Variants in KCP observed in about 807,000 individuals in gnomAD.
The protein encoded by KCP is kielin/chordin-like protein.
KCP carries 194 observed loss-of-function variants against 212.7 expected under a neutral mutation model. The ratio of observed to expected loss-of-function variants is 0.91; its 90% CI spans 0.81 to 1.03. The LOEUF (loss-of-function observed/expected upper bound fraction) is 1.03. Among genes scored for constraint, KCP ranks in the 50% least tolerant of loss-of-function variants. The pLI, the probability that KCP is intolerant of heterozygous loss-of-function variation, is 0.00. For synonymous variants in KCP, 833 were observed against 865.3 expected (o/e 0.96, Z 0.65); for missense variants, 2,080 against 2,162.5 (o/e 0.96, Z 0.76).
chr7:128,877,332 G>A (rs117405945), intron 39 of KCP, 21 bp from the exon 40 acceptor site: 28,665 of 1,526,024 alleles, frequency 0.019, 337 homozygotes, highest in Non-Finnish European at 0.023. Context: ...AGTGGGAGGC[G>A]GGGTTACCAA....
At chr7:128,905,660 C>T (rs1976296) in intron 5 of KCP, among the ~76,000 whole-genome samples, 15 of 152,246 alleles carry the variant, frequency 9.9e-5, no homozygotes, top group South Asian at 4.1e-4. Flanking sequence ...CCATGCCACA[C>T]GCTGCTTCAG....
chr7:128,881,470 C>T (rs1458714671), intron 31 of KCP, among the ~76,000 whole-genome samples, 156 bp downstream of exon 31: 3 of 151,950 alleles, frequency 2.0e-5, no homozygotes, highest in East Asian at 1.9e-4. Flanking sequence ...ACCTCAAGAA[C>T]AGCCCCCCTC....
intron 21 of KCP, 116 bp from the exon 22 acceptor site, chr7:128,889,155 G>A (rs1217630603): frequency 7.9e-6 from 6 of 754,924 alleles, no homozygotes; most frequent in Non-Finnish European, 9.6e-6. Context: ...GATCTAGCGT[G>A]GGGGCTGGGG....
rs535033846 is a variant in KCP, at chr7:128,897,375, C to T, written c.832-3082G>A. 5.9e-5 allele frequency among the ~76,000 whole-genome samples: 9 copies of T among 152,326 alleles called. No homozygotes were observed. The East Asian group carries it at 1.7e-3, about 29-fold the overall frequency. ...CCACATGGCAGTACTTTCTCTTGGT[C>T]TCTGCCATCACAATGGTGACTTGGG... On this transcript the variant is annotated intron_variant, in intron 8 of 39. Coordinates refer to ENST00000610776, the MANE Select transcript of KCP (RefSeq NM_001366122.1).
rs1431632968 is a variant in KCP, at chr7:128,888,822, G to C, written c.2512+41C>G. ...GGAATCGGTGAGAAAGGCACCCCGG[G>C]AGCCCCAGCAGGGGGAATGGAAGGG... On this transcript the variant is annotated intron_variant, in intron 22 of 39. Coordinates refer to ENST00000610776, the MANE Select transcript of KCP (RefSeq NM_001366122.1). 3.3e-6 allele frequency: 5 copies of C among 1,530,160 alleles called. No individual in the cohort carries two copies. The South Asian group carries it at 6.0e-5, about 18-fold the overall frequency. 94.8% of individuals were successfully genotyped at this position (1,530,160 alleles called of 1,614,324 possible).
rs73238179 is a variant in KCP, at chr7:128,889,052, A to G, written c.2336-13T>C. The stretch of plus-strand genomic sequence containing the variant: ...AGGTACTCACAGCCTTTCAGAGAAG[A>G]GACAGAGAGGCCGAGGGGAGGGACA... On this transcript the variant is annotated splice_polypyrimidine_tract_variant and intron_variant, in intron 21 of 39. Transcript: ENST00000610776. The G allele has an allele frequency of 5.7e-3, 8,420 of 1,483,108 alleles. 23 individuals carry two copies. Among genetic ancestry groups the G allele is most frequent in the Middle Eastern group, 0.013 (71 of 5,618 alleles). 91.9% of individuals were successfully genotyped at this position (1,483,108 alleles called of 1,614,324 possible).
At position 128,908,474 on chromosome 7, in the gene KCP, T is replaced by C. The variant is rs992512037; in HGVS notation, c.171A>G (p.Arg57=). The C allele has an allele frequency of 6.4e-7, 1 of 1,551,836 alleles. No individual in the cohort carries two copies. Among genetic ancestry groups the C allele is most frequent in the African/African-American group, 1.4e-5 (1 of 73,006 alleles). ...GNSQEQWHPL[R]EWLGRLEAAV... is the part of the protein sequence containing the mutation. Reference sequence around the variant, plus strand: ...CAGCCTCCAGTCGCCCCAGCCACTCTCGCAGGGGGTGCCACTGCTCCTGGG... The same window carrying C: ...CAGCCTCCAGTCGCCCCAGCCACTCCCGCAGGGGGTGCCACTGCTCCTGGG... The change falls in exon 2 of 40, where the codon CGA becomes CGG. Residue 57 remains arginine, a synonymous_variant. Coordinates refer to ENST00000610776, the MANE Select transcript of KCP (RefSeq NM_001366122.1).
intron 2 of KCP, 81 bp from the exon 3 acceptor site, chr7:128,907,534 G>A (rs1795188709): frequency 1.7e-5 from 17 of 1,019,248 alleles, no homozygotes; most frequent in Non-Finnish European, 2.1e-5. Flanking sequence ...GTGAAAATGA[G>A]GCAGGATGAG....
At position 128,893,795 on chromosome 7, in the gene KCP, C is replaced by T. The variant is rs1363889997; in HGVS notation, c.1099+11G>A. 3.9e-6 allele frequency: 6 copies of T among 1,549,074 alleles called. No individual in the cohort carries two copies. The highest frequency in any genetic ancestry group is 1.7e-4 in the Middle Eastern group (1 of 5,940). On this transcript the variant is annotated intron_variant, in intron 11 of 39. Transcript: ENST00000610776. ...CCTGCCCCTCCCGCAGAGACCCCGG[C>T]CCCCACTCACCATCGCAGACAGGGC...
chr7:128,880,732 A>ACAT lies in KCP; in HGVS notation c.3514-14_3514-12dup. On this transcript the variant is annotated splice_polypyrimidine_tract_variant and intron_variant, in intron 32 of 39. Coordinates refer to ENST00000610776, the MANE Select transcript of KCP (RefSeq NM_001366122.1). ...CTCCACATGGCCCCGCTGAGGACAG[A>ACAT]CATCATTGTTCTGGGGTTTTCTGCA... The ACAT allele has an allele frequency of 2.4e-6, 1 of 420,126 alleles. No individual in the cohort carries two copies. The allele number at this position is 420,126 out of a possible 1,614,324, so 26.0% of individuals were successfully genotyped here.
chr7:128,906,169 G>A, intron 5 of KCP, 110 bp downstream of exon 5: 1 of 876,898 alleles, frequency 1.1e-6, no homozygotes, highest in East Asian at 2.6e-5. Context: ...CTGTCAGAGT[G>A]AGTGGGTAGG....
chr7:128,886,565 A>G lies in KCP; in HGVS notation c.2773-8T>C, dbSNP rs920864874. 2 of 1,550,974 alleles carry G rather than the reference A, an allele frequency of 1.3e-6. No homozygotes were observed. Among genetic ancestry groups the G allele is most frequent in the African/African-American group, 2.7e-5 (2 of 72,986 alleles). ...ACAGCTGACCTGGCCAGCCTGTAGG[A>G]GATGCAGGGACACTGGCTCGCTGCC... On this transcript the variant is annotated splice_region_variant and splice_polypyrimidine_tract_variant and intron_variant, in intron 25 of 39. Transcript: ENST00000610776.
chr7:128,877,251 C>G lies in KCP; in HGVS notation c.4679G>C (p.Arg1560Pro), dbSNP rs955455733. The part of the protein sequence containing the change: ...VFDECGPPCP[R>P]TCFNQHIPLG... ...GGGGATATGCTGATTGAAGCAGGTG[C>G]GGGGACAGGGTGGGCCGCACTCATC... The change falls in exon 40 of 40, where the codon CGC becomes CCC. Residue 1560 changes from arginine (R) to proline (P), a missense_variant. Physicochemically the swap from Arg to Pro is moderately radical, Grantham distance 103. Transcript: ENST00000610776. The G allele has an allele frequency of 1.0e-5, 15 of 1,487,564 alleles. No homozygotes were observed. Among genetic ancestry groups the G allele is most frequent in the Admixed American group, 8.0e-5 (3 of 37,560 alleles). The allele number at this position is 1,487,564 out of a possible 1,614,324, so 92.1% of individuals were successfully genotyped here. A position where few individuals can be genotyped will look rare whatever the true frequency, so the allele number is the denominator to read the frequency against.
Position 128,906,278 on chromosome 7 carries a change from C to T in KCP, c.571+1G>A. The T allele has an allele frequency of 1.3e-6, 2 of 1,550,512 alleles. No homozygotes were observed. Among genetic ancestry groups the T allele is most frequent in the Non-Finnish European group, 1.7e-6 (2 of 1,146,134 alleles). On this transcript the variant is annotated splice_donor_variant, in intron 5 of 39. Transcript: ENST00000610776. LOFTEE classifies it high-confidence loss of function. ...GGGGCTGAGACTGGCAGGAGGCTGA[C>T]CTGGCTTACAGTGCGGGCAGCATGC...
At chr7:128,889,625 T>A (rs979074705) in intron 21 of KCP, among the ~76,000 whole-genome samples, 3 of 152,280 alleles carry the variant, frequency 2.0e-5, no homozygotes, top group Non-Finnish European at 2.9e-5. Context: ...TTTATGGTAA[T>A]GTGGTCCTGG....
At chr7:128,903,074 G>A (rs1238818208) in intron 7 of KCP, 5 of 593,402 alleles carry the variant, frequency 8.4e-6, no homozygotes, top group East Asian at 2.8e-5. Flanking sequence ...CTGGTCTTCC[G>A]TGGACAGAGC....
chr7:128,881,202 G>C (rs1463687577), intron 31 of KCP, 117 bp from the exon 32 acceptor site: 3 of 398,882 alleles, frequency 7.5e-6, no homozygotes, highest in Non-Finnish European at 1.3e-5. Flanking sequence ...CTACCACCCT[G>C]ATGGTGTTGA....
intron 37 of KCP, chr7:128,879,014 C>T (rs961405653): frequency 2.2e-6 from 1 of 448,856 alleles, no homozygotes; most frequent in Admixed American, 3.8e-5. Context: ...AAATGCAACC[C>T]CCTTCCGGGG....
Position 128,910,614 on chromosome 7 carries a change from G to C in KCP, c.63C>G (p.Ala21=). 6.6e-7 allele frequency: 1 copy of C among 1,515,214 alleles called. No individual in the cohort carries two copies. The highest frequency in any genetic ancestry group is 8.8e-7 in the Non-Finnish European group (1 of 1,138,814). 93.9% of individuals were successfully genotyped at this position (1,515,214 alleles called of 1,614,324 possible). A position where few individuals can be genotyped will look rare whatever the true frequency, so the allele number is the denominator to read the frequency against. ...ACCTGGACTCACCTTCCGCGCCCGC[G>C]GCCAGCGCCAGGGCCCCGAGGTGCA... ...LLLHLGALAL[A]AGAEGGAVPR... is the part of the protein sequence containing the mutation. The change falls in exon 1 of 40, where the codon GCC becomes GCG. Residue 21 remains alanine (A), a synonymous_variant. Transcript: ENST00000610776.
Sources: allele counts gnomAD v4.1 joint callset (sites outside exome capture counted in the v4.1 genomes callset), GRCh38; gene constraint gnomAD v4.1.1; transcripts MANE v1.5; gene names NCBI Gene and HGNC (gene_info 2026-07-23, HGNC 2026-07-21).